Variants in BBS9 observed in about 807,000 individuals in gnomAD.
BBS9 encodes protein PTHB1.
In BBS9, 89 loss-of-function variants were observed where a neutral mutation model predicts 117.7. That is an observed-to-expected ratio of 0.76 (90% CI 0.64 to 0.90). The LOEUF is 0.90. Among genes scored for constraint, BBS9 ranks in the 40% least tolerant of loss-of-function variants. The pLI is 0.00. For missense variants in BBS9, 982 were observed against 1,042.2 expected, an observed-to-expected ratio of 0.94 and a Z score of 0.80; for synonymous variants, 379 against 370.9, an observed-to-expected ratio of 1.02 and a Z score of -0.25.
intron 19 of BBS9, among the ~76,000 whole-genome samples, chr7:33,395,943 C>G (rs1563114625): frequency 6.6e-6 from 1 of 152,084 alleles, no homozygotes; most frequent in Non-Finnish European, 1.5e-5. Context: ...TGTTGCTGGG[C>G]TTGTTTTTCA....
intron 21 of BBS9, among the ~76,000 whole-genome samples, chr7:33,590,355 G>C (rs1219045947): frequency 6.6e-6 from 1 of 151,716 alleles, no homozygotes; most frequent in African/African-American, 2.4e-5. Flanking sequence ...TTCTTGATTT[G>C]ATGTATATTG....
In BBS9 at chr7:33,502,635, A is replaced by T. The variant is rs953993981; in HGVS notation, c.2116-2828A>T. On this transcript the variant is annotated intron_variant, in intron 19 of 22. Coordinates refer to ENST00000242067, the MANE Select transcript of BBS9 (RefSeq NM_198428.3). ...ACTGAACAATAGGTTCTTTCTCCTGATGTGGGAGGAGCTGACTGAGCTAGT... is the reference window on the plus strand; with the variant it reads ...ACTGAACAATAGGTTCTTTCTCCTGTTGTGGGAGGAGCTGACTGAGCTAGT... Among the ~76,000 whole-genome samples the T allele has an allele frequency of 3.3e-5, 5 of 152,150 alleles. No individual in the cohort carries two copies. The East Asian group carries it at 7.7e-4, about 23-fold the overall frequency.
intron 4 of BBS9, among the ~76,000 whole-genome samples, chr7:33,160,632 C>A (rs1794700281): frequency 6.6e-6 from 1 of 152,158 alleles, no homozygotes; most frequent in African/African-American, 2.4e-5. Flanking sequence ...TGGGGAGAAA[C>A]TTTCCTGTTT....
chr7:33,323,466 G>GT (rs974205502), intron 9 of BBS9, among the ~76,000 whole-genome samples: 4 of 151,476 alleles, frequency 2.6e-5, no homozygotes, highest in Non-Finnish European at 4.4e-5. Flanking sequence ...GTTGAATTGA[G>GT]TTTTTTTTAA....
rs1441271199 is a variant in BBS9 at position 33,575,033 on chromosome 7, C to A, written c.2522-29832C>A. Among the ~76,000 whole-genome samples, 8 of 152,046 alleles carry A rather than the reference C, an allele frequency of 5.3e-5. No individual in the cohort carries two copies. The South Asian group carries it at 1.0e-3, about 20-fold the overall frequency. On this transcript the variant is annotated intron_variant, in intron 21 of 22. Coordinates refer to ENST00000242067, the MANE Select transcript of BBS9 (RefSeq NM_198428.3). Reference sequence around the variant, plus strand: ...TTATCTGGCTTCTACTATTATGTAACCTTATCTGACTTGAACAGGTCTGGT... The same window carrying A: ...TTATCTGGCTTCTACTATTATGTAAACTTATCTGACTTGAACAGGTCTGGT...
At chr7:33,418,905 A>G (rs1453006217) in intron 19 of BBS9, among the ~76,000 whole-genome samples, 2 of 152,222 alleles carry the variant, frequency 1.3e-5, no homozygotes, top group Non-Finnish European at 2.9e-5. Flanking sequence ...TCCATTTACT[A>G]CAGCATTTAG....
At chr7:33,305,731 A>C (rs1807765488) in intron 9 of BBS9, among the ~76,000 whole-genome samples, 1 of 151,974 alleles carries the variant, frequency 6.6e-6, no homozygotes, top group African/African-American at 2.4e-5. Context: ...CTTTTAATTT[A>C]TGTATCATTG....
Position 33,475,605 on chromosome 7 carries a change from G to GA in BBS9, c.2116-29846dup, listed in dbSNP as rs112835190. ...CCCTGCCTCTCCTCTAGTATGACGAGAAAAAAAAAAAAGTTTGAAATATTG... is the reference window on the plus strand; with the variant it reads ...CCCTGCCTCTCCTCTAGTATGACGAGAAAAAAAAAAAAAGTTTGAAATATTG... On this transcript the variant is annotated intron_variant, in intron 19 of 22. Transcript: ENST00000242067. 2.0e-3 allele frequency among the ~76,000 whole-genome samples: 288 copies of GA among 144,686 alleles called. 3 individuals are homozygous for GA. Among genetic ancestry groups the GA allele is most frequent in the South Asian group, 6.9e-3 (32 of 4,614 alleles). 94.9% of individuals were successfully genotyped at this position (144,686 alleles called of 152,430 possible). A position where few individuals can be genotyped will look rare whatever the true frequency, so the allele number is the denominator to read the frequency against.
At chr7:33,625,569 G>A (rs1015556987) in intron 21 of BBS9, among the ~76,000 whole-genome samples, 1 of 152,000 alleles carries the variant, frequency 6.6e-6, no homozygotes. Context: ...TATCACTGCT[G>A]GTGCAAGGGT....
At chr7:33,221,785 G>A (rs929229575) in intron 5 of BBS9, among the ~76,000 whole-genome samples, 1 of 152,102 alleles carries the variant, frequency 6.6e-6, no homozygotes, top group Non-Finnish European at 1.5e-5. Flanking sequence ...TATGTGGCAA[G>A]TTTGAATTTG....
chr7:33,441,629 T>G (rs1836206214), intron 19 of BBS9, among the ~76,000 whole-genome samples: 1 of 152,216 alleles, frequency 6.6e-6, no homozygotes, highest in Non-Finnish European at 1.5e-5. Context: ...TGCACTTATA[T>G]TTATAATATC....
intron 9 of BBS9, among the ~76,000 whole-genome samples, chr7:33,324,720 G>A (rs749074492): frequency 3.3e-5 from 5 of 151,372 alleles, no homozygotes; most frequent in East Asian, 3.9e-4. Flanking sequence ...TCTCCTTCAC[G>A]TTTGATGGAT....
chr7:33,482,267 A>G (rs1428955632), intron 19 of BBS9, among the ~76,000 whole-genome samples: 1 of 152,194 alleles, frequency 6.6e-6, no homozygotes, highest in Non-Finnish European at 1.5e-5. Flanking sequence ...TGAGTGGCAG[A>G]GGGAGGGCCT....
At position 33,296,247 on chromosome 7, in the gene BBS9, A is replaced by T. The variant is rs147211396; in HGVS notation, c.1016+22291A>T. Among the ~76,000 whole-genome samples, 1,069 of 152,244 alleles carry T rather than the reference A, an allele frequency of 7.0e-3. 47 individuals carry two copies. The highest frequency in any genetic ancestry group is 0.06 in the Admixed American group (916 of 15,286). ...GAGACTCCTGATAGTTATTTTCTGA[A>T]CATATCTTGGAATCAGTTAGTACTT... On this transcript the variant is annotated intron_variant, in intron 9 of 22. Coordinates refer to ENST00000242067, the MANE Select transcript of BBS9 (RefSeq NM_198428.3).
rs553958511 is a variant in BBS9 at position 33,304,342 on chromosome 7, G to A, written c.1016+30386G>A. On this transcript the variant is annotated intron_variant, in intron 9 of 22. Transcript: ENST00000242067. ...TGGGAAGTGAGGAGCACCTCTGCCC[G>A]GCCACCCCGTCTGGGAGGTGAGGAG... Among the ~76,000 whole-genome samples, 70 of 144,648 alleles carry A rather than the reference G, an allele frequency of 4.8e-4. 1 individual carries two copies. The South Asian group carries it at 0.015, about 31-fold the overall frequency. The allele number at this position is 144,648 out of a possible 152,430, so 94.9% of individuals were successfully genotyped here.
chr7:33,195,884 T>C (rs898842615), intron 5 of BBS9, among the ~76,000 whole-genome samples: 21 of 152,166 alleles, frequency 1.4e-4, no homozygotes, highest in Middle Eastern at 3.2e-3. Flanking sequence ...CGGCATGGTA[T>C]AGATTATAAG....
At chr7:33,535,700 C>A (rs1274384044) in intron 21 of BBS9, among the ~76,000 whole-genome samples, 3 of 152,068 alleles carry the variant, frequency 2.0e-5, no homozygotes, top group African/African-American at 7.2e-5. Flanking sequence ...GAAAACTATT[C>A]ATTATAATCA....
At chr7:33,549,825 G>T (rs866612879) in intron 21 of BBS9, among the ~76,000 whole-genome samples, 1 of 152,130 alleles carries the variant, frequency 6.6e-6, no homozygotes, top group Non-Finnish European at 1.5e-5. Flanking sequence ...CTTAAAAATT[G>T]CATCGATTTG....
chr7:33,588,012 T>C (rs879425547), intron 21 of BBS9, among the ~76,000 whole-genome samples: 8 of 152,092 alleles, frequency 5.3e-5, no homozygotes, highest in Non-Finnish European at 1.2e-4. Context: ...AGCAGACAGA[T>C]GTCTTTATAC....
Sources: gnomAD v4.1 joint callset for allele counts (sites outside exome capture counted in the v4.1 genomes callset) on GRCh38, gnomAD v4.1.1 for gene constraint, MANE v1.5 for transcripts, NCBI Gene and HGNC (gene_info 2026-07-23, HGNC 2026-07-21) for gene names.